ST6GALNAC5: variants seen among roughly 807,000 people sequenced by gnomAD.
ST6GALNAC5 encodes alpha-N-acetylgalactosaminide alpha-2,6-sialyltransferase 5.
In ST6GALNAC5, 27 loss-of-function variants were observed where a neutral mutation model predicts 33.6. The ratio of observed to expected loss-of-function variants is 0.80; its 90% CI spans 0.59 to 1.11. The LOEUF is 1.11. ST6GALNAC5 is among the 50% of genes least tolerant of loss of function. The pLI, the probability that ST6GALNAC5 is intolerant of heterozygous loss-of-function variation, is 0.00. For missense variants in ST6GALNAC5, 428 were observed against 454.0 expected (o/e 0.94, Z 0.52); for synonymous variants, 194 against 171.2 (o/e 1.13, Z -1.04).
chr1:77,006,351 A>G (rs1369612341), intron 2 of ST6GALNAC5, among the ~76,000 whole-genome samples: 55 of 137,624 alleles, frequency 4.0e-4, no homozygotes, highest in Non-Finnish European at 1.1e-4. Context: ...TTTTTGAGAC[A>G]GAGTCTCACT....
At chr1:76,996,911 T>G (rs1379157321) in intron 2 of ST6GALNAC5, among the ~76,000 whole-genome samples, 1 of 152,196 alleles carries the variant, frequency 6.6e-6, no homozygotes. Context: ...AAATGGCACT[T>G]TAATGCATGA....
intron 2 of ST6GALNAC5, among the ~76,000 whole-genome samples, chr1:76,918,616 C>CAAAAA (rs5775368): frequency 2.4e-4 from 18 of 76,440 alleles, no homozygotes; most frequent in Non-Finnish European, 2.8e-4. Flanking sequence ...GACTCCATCT[C>CAAAAA]AAAAAAAAAA....
chr1:77,030,592 G>A (rs879313264), intron 2 of ST6GALNAC5, among the ~76,000 whole-genome samples: 2 of 152,150 alleles, frequency 1.3e-5, no homozygotes, highest in Non-Finnish European at 2.9e-5. Flanking sequence ...TAGAATACTC[G>A]AGACATCTCT....
At chr1:76,876,968 C>A (rs1257792777) in intron 2 of ST6GALNAC5, among the ~76,000 whole-genome samples, 1 of 152,184 alleles carries the variant, frequency 6.6e-6, no homozygotes, top group Admixed American at 6.5e-5. Flanking sequence ...CTAACTTGTG[C>A]CTTCAGGACC....
chr1:76,914,616 G>A (rs948682392), intron 2 of ST6GALNAC5, among the ~76,000 whole-genome samples: 27 of 152,174 alleles, frequency 1.8e-4, no homozygotes, highest in Non-Finnish European at 3.1e-4. Flanking sequence ...AATAAATGGT[G>A]CTGGGAAAAC....
rs1236065481 is a variant in ST6GALNAC5 at position 76,869,071 on chromosome 1, G to A, written c.261+329G>A. 4 of 262,406 alleles carry A rather than the reference G, an allele frequency of 1.5e-5. No individual in the cohort carries two copies. In the East Asian group the frequency reaches 2.6e-4, roughly 17 times the overall value. The allele number at this position is 262,406 out of a possible 1,614,324, so 16.3% of individuals were successfully genotyped here. ...TCCGGTTCCTGAAGCCTCGGGTTTG[G>A]CCGCCGAGTCGCTGCCTGGTGGGAG... On this transcript the variant is annotated intron_variant, in intron 2 of 4. Coordinates refer to ENST00000477717, the MANE Select transcript of ST6GALNAC5 (RefSeq NM_030965.3).
At chr1:76,943,879 G>C (rs191883371) in intron 2 of ST6GALNAC5, among the ~76,000 whole-genome samples, 1 of 152,006 alleles carries the variant, frequency 6.6e-6, no homozygotes, top group African/African-American at 2.4e-5. Context: ...ACTAAGATTT[G>C]GTTAATACAC....
At chr1:76,867,749 A>G in intron 1 of ST6GALNAC5, 59 bp downstream of exon 1, 1 of 1,613,624 alleles carries the variant, frequency 6.2e-7, no homozygotes, top group Non-Finnish European at 8.5e-7. Flanking sequence ...CTCAGGGTCC[A>G]CGGGACGCAC....
At chr1:76,884,252 T>C (rs1206921847) in intron 2 of ST6GALNAC5, among the ~76,000 whole-genome samples, 1 of 152,176 alleles carries the variant, frequency 6.6e-6, no homozygotes, top group Non-Finnish European at 1.5e-5. Flanking sequence ...TGGTTCAAGA[T>C]TGCCTCACAA....
At chr1:76,985,322 G>C (rs1479830158) in intron 2 of ST6GALNAC5, among the ~76,000 whole-genome samples, 1 of 152,106 alleles carries the variant, frequency 6.6e-6, no homozygotes, top group Non-Finnish European at 1.5e-5. Flanking sequence ...AAAATCTCAG[G>C]ATACAAAATC....
intron 2 of ST6GALNAC5, among the ~76,000 whole-genome samples, chr1:76,906,176 G>A (rs1192840677): frequency 6.6e-6 from 1 of 152,108 alleles, no homozygotes; most frequent in Admixed American, 6.6e-5. Flanking sequence ...AAAAAAGCCT[G>A]CCAACACTTC....
intron 4 of ST6GALNAC5, among the ~76,000 whole-genome samples, chr1:77,054,451 A>C (rs1652325746): frequency 6.6e-6 from 1 of 152,222 alleles, no homozygotes; most frequent in Non-Finnish European, 1.5e-5. Flanking sequence ...TCTTTTCAAC[A>C]AAAGAGCATT....
rs560598932 is a variant in ST6GALNAC5, at chr1:77,065,718, T to A, written c.*2512T>A. 6.6e-6 allele frequency: 1 copy of A among 152,238 alleles called. No individual in the cohort carries two copies. The highest frequency in any genetic ancestry group is 2.4e-5 in the African/African-American group (1 of 41,470). 9.4% of individuals were successfully genotyped at this position (152,238 alleles called of 1,614,324 possible). On this transcript the variant is annotated 3_prime_UTR_variant, in exon 5 of 5. Coordinates refer to ENST00000477717, the MANE Select transcript of ST6GALNAC5 (RefSeq NM_030965.3). ...TATAAACTCTGATATAAAAGATGAC[T>A]ACAGAACCATGTTTATAGACCTCGG...
At chr1:77,052,033 A>G (rs1463760047) in intron 4 of ST6GALNAC5, among the ~76,000 whole-genome samples, 1 of 152,236 alleles carries the variant, frequency 6.6e-6, no homozygotes, top group Non-Finnish European at 1.5e-5. Flanking sequence ...GTAGGATCGA[A>G]ACAATTTATG....
At chr1:76,939,527 G>A (rs1647276483) in intron 2 of ST6GALNAC5, among the ~76,000 whole-genome samples, 1 of 152,012 alleles carries the variant, frequency 6.6e-6, no homozygotes, top group East Asian at 1.9e-4. Flanking sequence ...TACAGAAGGA[G>A]GGGGCCCATG....
chr1:76,992,738 G>A (rs1436074640), intron 2 of ST6GALNAC5, among the ~76,000 whole-genome samples: 2 of 151,990 alleles, frequency 1.3e-5, no homozygotes, highest in African/African-American at 4.8e-5. Flanking sequence ...CAAGTTATCT[G>A]CCCACCTCGG....
At chr1:77,049,399 G>A (rs73005322) in intron 3 of ST6GALNAC5, among the ~76,000 whole-genome samples, 5,587 of 152,192 alleles carry the variant, frequency 0.037, 103 homozygotes, top group Middle Eastern at 0.082. Context: ...AGCAACCCCC[G>A]AAGAATTGAA....
chr1:76,908,668 C>T (rs1646885689), intron 2 of ST6GALNAC5, among the ~76,000 whole-genome samples: 1 of 152,112 alleles, frequency 6.6e-6, no homozygotes, highest in African/African-American at 2.4e-5. Flanking sequence ...GCTTCCCTAG[C>T]ACCTTCCACT....
intron 2 of ST6GALNAC5, among the ~76,000 whole-genome samples, chr1:76,887,266 A>G (rs1653918051): frequency 6.6e-6 from 1 of 152,226 alleles, no homozygotes; most frequent in African/African-American, 2.4e-5. Flanking sequence ...AGAGAGGGGA[A>G]GTGTTCCCAT....
Sources: allele counts gnomAD v4.1 joint callset (sites outside exome capture counted in the v4.1 genomes callset), GRCh38; gene constraint gnomAD v4.1.1; transcripts MANE v1.5; gene names NCBI Gene and HGNC (gene_info 2026-07-23, HGNC 2026-07-21).